CDK15: variants seen among roughly 807,000 people sequenced by gnomAD.
The protein encoded by CDK15 is cyclin-dependent kinase 15.
Under a neutral mutation model 60.3 loss-of-function variants are expected in CDK15, and 62 were observed. That is an observed-to-expected ratio of 1.03 (90% CI 0.84 to 1.27). The LOEUF (loss-of-function observed/expected upper bound fraction) is 1.27. Among genes scored for constraint, CDK15 ranks in the 50% most tolerant of loss-of-function variants. The pLI, the probability that CDK15 is intolerant of heterozygous loss-of-function variation, is 0.00. For synonymous variants in CDK15, 194 were observed against 195.7 expected (o/e 0.99, Z 0.07); for missense variants, 541 against 527.8 (o/e 1.03, Z -0.25).
rs77584514 is a variant in CDK15, at chr2:201,880,194, G to A, written c.1198+27G>A. On this transcript the variant is annotated intron_variant, in intron 12 of 13. Transcript: ENST00000652192. ...TGAGCGAGGGAGTGTGTGCGTGTGC[G>A]TGAGTGCATGTGCGTGAGTGCGTGT... is the stretch of plus-strand genomic sequence containing the variant. 3.9e-4 allele frequency: 633 copies of A among 1,611,318 alleles called. No individual in the cohort carries two copies. The African/African-American group carries it at 6.6e-3, about 17-fold the overall frequency.
chr2:201,855,804 T>G (rs989817470), intron 10 of CDK15, among the ~76,000 whole-genome samples: 5 of 151,906 alleles, frequency 3.3e-5, no homozygotes, highest in African/African-American at 1.2e-4. Flanking sequence ...AAATGAAATC[T>G]TCCCAAATTG....
chr2:201,833,379 T>C (rs1696843996), intron 6 of CDK15, among the ~76,000 whole-genome samples: 1 of 152,166 alleles, frequency 6.6e-6, no homozygotes, highest in South Asian at 2.1e-4. Context: ...GGTCTCCTTG[T>C]GTTGTGTTTT....
At chr2:201,871,144 T>TTTTTTA (rs1559143969) in intron 10 of CDK15, among the ~76,000 whole-genome samples, 2 of 152,162 alleles carry the variant, frequency 1.3e-5, no homozygotes, top group Admixed American at 6.5e-5. Context: ...CCTTACTTTA[T>TTTTTTA]TTTTTATTTT....
At chr2:201,850,323 A>G (rs544980215) in intron 9 of CDK15, among the ~76,000 whole-genome samples, 1 of 152,194 alleles carries the variant, frequency 6.6e-6, no homozygotes, top group Non-Finnish European at 1.5e-5. Context: ...TTGAATGACC[A>G]CACAATTTAA....
chr2:201,853,578 G>A (rs889596635), intron 9 of CDK15, among the ~76,000 whole-genome samples: 7 of 152,076 alleles, frequency 4.6e-5, no homozygotes, highest in African/African-American at 1.7e-4. Flanking sequence ...TGTAAGAGAT[G>A]TTTCTAAAAA....
At chr2:201,853,799 A>G (rs1698013351) in intron 9 of CDK15, among the ~76,000 whole-genome samples, 1 of 151,818 alleles carries the variant, frequency 6.6e-6, no homozygotes, top group Non-Finnish European at 1.5e-5. Flanking sequence ...CCAAAGTCTG[A>G]GCTGTTTTGG....
At chr2:201,859,340 C>A (rs1292661902) in intron 10 of CDK15, among the ~76,000 whole-genome samples, 1 of 152,140 alleles carries the variant, frequency 6.6e-6, no homozygotes, top group Non-Finnish European at 1.5e-5. Context: ...AATGGCGAAC[C>A]TCTAGAGACA....
intron 8 of CDK15, among the ~76,000 whole-genome samples, chr2:201,840,071 A>G (rs532269359): frequency 6.6e-6 from 1 of 151,404 alleles, no homozygotes; most frequent in East Asian, 1.9e-4. Flanking sequence ...TGCAACCTCC[A>G]CCTCCTGGGT....
At chr2:201,865,892 C>CCAAAAA (rs753825925) in intron 10 of CDK15, among the ~76,000 whole-genome samples, 10 of 40,092 alleles carry the variant, frequency 2.5e-4, no homozygotes, top group African/African-American at 6.6e-4. Flanking sequence ...TCCATCTCAA[C>CCAAAAA]AAAAAAAAAA....
chr2:201,867,037 A>G (rs926345994), intron 10 of CDK15, among the ~76,000 whole-genome samples: 1 of 152,166 alleles, frequency 6.6e-6, no homozygotes, highest in Non-Finnish European at 1.5e-5. Flanking sequence ...CAACTATTAC[A>G]GGTCATCCTT....
chr2:201,870,933 T>C (rs1698830679), intron 10 of CDK15, among the ~76,000 whole-genome samples: 1 of 152,194 alleles, frequency 6.6e-6, no homozygotes, highest in Admixed American at 6.5e-5. Context: ...CAGTTAGTAT[T>C]TCTTGAGTGA....
chr2:201,847,312 T>C, intron 8 of CDK15, 69 bp from the exon 9 acceptor site: 1 of 1,388,682 alleles, frequency 7.2e-7, no homozygotes, highest in Non-Finnish European at 1.0e-6. Context: ...GGAAGAGAAA[T>C]TCTAGTAGTT....
At position 201,824,959 on chromosome 2, in the gene CDK15, CCATT is replaced by C. The variant is rs572873022; in HGVS notation, c.606+1235_606+1238del. The C allele has an allele frequency of 6.9e-5, 15 of 216,500 alleles. No homozygotes were observed. In the South Asian group the frequency reaches 1.9e-3, roughly 27 times the overall value. The allele number at this position is 216,500 out of a possible 1,614,324, so 13.4% of individuals were successfully genotyped here. ...GCTCAAAGTACTGGAAAGAAAGCTC[CCATT>C]CAAAGGAAATTTATCTTAAGATACT... On this transcript the variant is annotated intron_variant, in intron 6 of 13. Transcript: ENST00000652192.
chr2:201,872,347 G>A lies in CDK15; in HGVS notation c.1058+21G>A, dbSNP rs1241322169. The A allele has an allele frequency of 2.2e-6, 3 of 1,360,096 alleles. No individual in the cohort carries two copies. The African/African-American group carries it at 5.2e-5, about 23-fold the overall frequency. 84.3% of individuals were successfully genotyped at this position (1,360,096 alleles called of 1,614,324 possible). On this transcript the variant is annotated intron_variant, in intron 11 of 13. Transcript: ENST00000652192. ...AACAGGTGAGTACTACCTCAGGAAGGGATCTTTAAGGGATCTTTAAGCAGG... is the reference window on the plus strand; with the variant it reads ...AACAGGTGAGTACTACCTCAGGAAGAGATCTTTAAGGGATCTTTAAGCAGG...
At chr2:201,874,983 G>T (rs1433964394) in intron 11 of CDK15, among the ~76,000 whole-genome samples, 2 of 151,334 alleles carry the variant, frequency 1.3e-5, no homozygotes, top group African/African-American at 4.8e-5. Flanking sequence ...CAGTGCTGTG[G>T]GTGGGAGACT....
chr2:201,866,307 G>A (rs1259648838), intron 10 of CDK15, among the ~76,000 whole-genome samples: 2 of 152,072 alleles, frequency 1.3e-5, no homozygotes, highest in African/African-American at 2.4e-5. Context: ...GACTCAGAAT[G>A]GTGCAGTGAT....
In CDK15 at chr2:201,884,803, A is replaced by T. The variant is rs181413142; in HGVS notation, c.1198+4636A>T. Reference sequence around the variant, plus strand: ...GAATCATGTTCCATTCATTCATTGGAGGTTTACTGAGTGTCCATGAGGTGT... The same window carrying T: ...GAATCATGTTCCATTCATTCATTGGTGGTTTACTGAGTGTCCATGAGGTGT... On this transcript the variant is annotated intron_variant, in intron 12 of 13. Transcript: ENST00000652192. Among the ~76,000 whole-genome samples the T allele has an allele frequency of 3.3e-5, 5 of 152,282 alleles. No homozygotes were observed. The East Asian group carries it at 9.6e-4, about 29-fold the overall frequency.
At position 201,894,255 on chromosome 2, in the gene CDK15, G is replaced by C. The variant is rs1300496927; in HGVS notation, c.*988G>C. On this transcript the variant is annotated 3_prime_UTR_variant, in exon 14 of 14. Coordinates refer to ENST00000652192, the MANE Select transcript of CDK15 (RefSeq NM_001366386.2). ...GAAATGTAGCAGCCTAGAAACCAGA[G>C]ACCTCTGTATATCCTTTGGAAGAGC... 6.6e-6 allele frequency: 1 copy of C among 152,128 alleles called. No individual in the cohort carries two copies. Among genetic ancestry groups the C allele is most frequent in the Admixed American group, 6.5e-5 (1 of 15,272 alleles). The allele number at this position is 152,128 out of a possible 1,614,324, so 9.4% of individuals were successfully genotyped here.
At chr2:201,875,020 G>A (rs2105823317) in intron 11 of CDK15, among the ~76,000 whole-genome samples, 1 of 151,506 alleles carries the variant, frequency 6.6e-6, no homozygotes, top group East Asian at 1.9e-4. Flanking sequence ...GGCTGTGCTA[G>A]GAAATCAAAA....
Sources: allele counts gnomAD v4.1 joint callset (sites outside exome capture counted in the v4.1 genomes callset), GRCh38; gene constraint gnomAD v4.1.1; transcripts MANE v1.5; gene names NCBI Gene and HGNC (gene_info 2026-07-23, HGNC 2026-07-21).